The following ANKRD13C variants were observed in gnomAD, a reference collection of about 807,000 sequenced individuals.
ANKRD13C encodes the protein ankyrin repeat domain-containing protein 13C.
Under a neutral mutation model 65.5 loss-of-function variants are expected in ANKRD13C, and 16 were observed. The observed-to-expected ratio is 0.24, with a 90% CI of 0.17 to 0.37. ANKRD13C has a LOEUF of 0.37. Among genes scored for constraint, ANKRD13C ranks in the 10% least tolerant of loss-of-function variants. The pLI is 1.00. For synonymous variants in ANKRD13C, 235 were observed against 238.7 expected (o/e 0.98, Z 0.14); for missense variants, 503 against 655.9 (o/e 0.77, Z 2.55).
In ANKRD13C at chr1:70,259,599, T is replaced by A. The variant is rs1678328261; in HGVS notation, c.*3118A>T. On this transcript the variant is annotated 3_prime_UTR_variant, in exon 13 of 13. Coordinates refer to ENST00000370944, the MANE Select transcript of ANKRD13C (RefSeq NM_030816.5). ...TTACTATTGCCCCAGATTTCTGACA[T>A]AAAATGCTTTGCAAGAGTAGTTTTG... Among the ~76,000 whole-genome samples, 1 of 152,196 alleles carries A rather than the reference T, an allele frequency of 6.6e-6. No individual in the cohort carries two copies. The highest frequency in any genetic ancestry group is 2.1e-4 in the South Asian group (1 of 4,832).
intron 3 of ANKRD13C, among the ~76,000 whole-genome samples, chr1:70,323,748 G>T (rs868846107): frequency 6.7e-6 from 1 of 148,318 alleles, no homozygotes; most frequent in Middle Eastern, 3.4e-3. Context: ...TTTTGAGACA[G>T]AGTCTTGCTC....
chr1:70,301,128 T>C (rs929178529), intron 6 of ANKRD13C, among the ~76,000 whole-genome samples: 2 of 151,984 alleles, frequency 1.3e-5, no homozygotes, highest in African/African-American at 4.8e-5. Flanking sequence ...TTTAGCTATA[T>C]TTCACTTTTC....
In ANKRD13C at chr1:70,277,456, C is replaced by CAAA. The variant is rs199589444; in HGVS notation, c.1216-615_1216-613dup. On this transcript the variant is annotated intron_variant, in intron 9 of 12. Transcript: ENST00000370944. ...TGGGTGACAGAAGCAGACTCCACCT[C>CAAA]AAAAAAAAAAAAAACAAAACTCTGA... 7.2e-4 allele frequency among the ~76,000 whole-genome samples: 43 copies of CAAA among 59,772 alleles called. No individual in the cohort carries two copies. The South Asian group carries it at 0.017, about 23-fold the overall frequency. 39.2% of individuals were successfully genotyped at this position (59,772 alleles called of 152,430 possible).
At chr1:70,351,319 G>A (rs1351558441) in intron 1 of ANKRD13C, among the ~76,000 whole-genome samples, 1 of 152,226 alleles carries the variant, frequency 6.6e-6, no homozygotes, top group Non-Finnish European at 1.5e-5. Flanking sequence ...GCTCTGCTAT[G>A]TACCTGTATG....
intron 6 of ANKRD13C, 178 bp downstream of exon 6, chr1:70,306,045 TA>T: frequency 1.7e-5 from 6 of 344,610 alleles, no homozygotes; most frequent in Non-Finnish European, 2.2e-5. Flanking sequence ...AATAAAAAAA[TA>T]AAAAAAGGTT....
chr1:70,280,459 GA>G (rs1679339114), intron 9 of ANKRD13C, among the ~76,000 whole-genome samples: 1 of 152,182 alleles, frequency 6.6e-6, no homozygotes, highest in African/African-American at 2.4e-5. Context: ...AGTAGTAAGA[GA>G]AAAGTGGCCA....
At chr1:70,304,586 A>T (rs1375088286) in intron 6 of ANKRD13C, among the ~76,000 whole-genome samples, 1 of 152,000 alleles carries the variant, frequency 6.6e-6, no homozygotes, top group African/African-American at 2.4e-5. Context: ...TTTTGTAAAG[A>T]TGGGGTTTTG....
intron 9 of ANKRD13C, among the ~76,000 whole-genome samples, chr1:70,285,845 G>A (rs763408525): frequency 5.3e-5 from 8 of 151,884 alleles, no homozygotes; most frequent in Non-Finnish European, 8.8e-5. Flanking sequence ...AGCTGGTCTC[G>A]AACTCCTGAC....
chr1:70,340,620 CAG>C (rs1572172145), intron 1 of ANKRD13C, among the ~76,000 whole-genome samples: 1 of 152,012 alleles, frequency 6.6e-6, no homozygotes. Context: ...TTTTTGGTAA[CAG>C]AGAGGAATGT....
At chr1:70,281,701 G>A (rs531828043) in intron 9 of ANKRD13C, among the ~76,000 whole-genome samples, 27 of 151,474 alleles carry the variant, frequency 1.8e-4, no homozygotes, top group African/African-American at 6.3e-4. Flanking sequence ...CACCATGCCC[G>A]GGTTAAATTC....
rs1453263261 is a variant in ANKRD13C at position 70,315,840 on chromosome 1, TAGTA to T, written c.578-278_578-275del. Among the ~76,000 whole-genome samples, 6 of 152,194 alleles carry T rather than the reference TAGTA, an allele frequency of 3.9e-5. No individual in the cohort carries two copies. The East Asian group carries it at 7.7e-4, about 20-fold the overall frequency. ...TGGGACCTATATAGATAGAATAAGT[TAGTA>T]AGTAAGTTTAATAAAACTGGTATGA... On this transcript the variant is annotated intron_variant, in intron 3 of 12. Transcript: ENST00000370944.
chr1:70,283,352 C>A (rs1047824324), intron 9 of ANKRD13C, among the ~76,000 whole-genome samples: 1 of 152,102 alleles, frequency 6.6e-6, no homozygotes, highest in African/African-American at 2.4e-5. Context: ...TCAAGCCTTT[C>A]CCTCATAATT....
chr1:70,317,083 G>T (rs1681103451), intron 3 of ANKRD13C, among the ~76,000 whole-genome samples: 1 of 151,500 alleles, frequency 6.6e-6, no homozygotes, highest in Admixed American at 6.6e-5. Context: ...GTCCACATAG[G>T]TCCAAAATTA....
intron 3 of ANKRD13C, among the ~76,000 whole-genome samples, chr1:70,324,443 T>C (rs931731236): frequency 3.9e-5 from 6 of 152,350 alleles, no homozygotes; most frequent in Admixed American, 1.3e-4. Context: ...CTTCCTTGCT[T>C]CCAGCAAAAT....
Position 70,350,103 on chromosome 1 carries a change from ACTG to A in ANKRD13C, c.430+3873_430+3875del, listed in dbSNP as rs150734643. Among the ~76,000 whole-genome samples, 989 of 152,334 alleles carry A rather than the reference ACTG, an allele frequency of 6.5e-3. 6 individuals carry two copies. The highest frequency in any genetic ancestry group is 0.01 in the Non-Finnish European group (705 of 68,018). On this transcript the variant is annotated intron_variant, in intron 1 of 12. Transcript: ENST00000370944. ...GGTTGCAGTGAGCCAAGATTGCACC[ACTG>A]CACTCCAACCTGGGTGACAGAGTGA...
intron 5 of ANKRD13C, among the ~76,000 whole-genome samples, chr1:70,309,713 C>T (rs1352162896): frequency 1.7e-5 from 2 of 119,964 alleles, no homozygotes; most frequent in Admixed American, 1.9e-4. Flanking sequence ...CAGACTCCGT[C>T]GCAAAAAAAA....
intron 6 of ANKRD13C, among the ~76,000 whole-genome samples, chr1:70,301,130 T>G (rs1680331410): frequency 6.6e-6 from 1 of 150,812 alleles, no homozygotes; most frequent in Non-Finnish European, 1.5e-5. Flanking sequence ...TAGCTATATT[T>G]CACTTTTCTG....
chr1:70,349,431 GTACT>G (rs1296481977), intron 1 of ANKRD13C, among the ~76,000 whole-genome samples: 1 of 151,428 alleles, frequency 6.6e-6, no homozygotes, highest in African/African-American at 2.4e-5. Context: ...AGCTGTTACT[GTACT>G]TAAACATACC....
intron 6 of ANKRD13C, among the ~76,000 whole-genome samples, chr1:70,301,602 T>A (rs1680358413): frequency 6.6e-6 from 1 of 152,172 alleles, no homozygotes. Context: ...ATACTCTCTT[T>A]CCCAACCAAT....
Sources: gnomAD v4.1 joint callset for allele counts (sites outside exome capture counted in the v4.1 genomes callset) on GRCh38, gnomAD v4.1.1 for gene constraint, MANE v1.5 for transcripts, NCBI Gene and HGNC (gene_info 2026-07-23, HGNC 2026-07-21) for gene names.